The following ACTR3C variants were observed in gnomAD, a reference collection of about 807,000 sequenced individuals.
The protein encoded by ACTR3C is actin-related protein 3C.
Under a neutral mutation model 26.3 loss-of-function variants are expected in ACTR3C, and 18 were observed. That is an observed-to-expected ratio of 0.68 (90% CI 0.47 to 1.01). The LOEUF (loss-of-function observed/expected upper bound fraction) is 1.01. Among genes scored for constraint, ACTR3C ranks in the 50% least tolerant of loss-of-function variants. The probability of loss-of-function intolerance (pLI) is 0.00; values close to 1 mark genes in which losing one functional copy is unlikely to be tolerated. For missense variants in ACTR3C, 184 were observed against 250.7 expected (o/e 0.73, Z 1.80); for synonymous variants, 55 against 94.5 (o/e 0.58, Z 2.42).
At chr7:150,089,884 A>T in the ACTR3C span, among the ~76,000 whole-genome samples, 1 of 152,374 alleles carries the variant, frequency 6.6e-6, no homozygotes, top group South Asian at 2.1e-4. Flanking sequence ...CCACTTGCAC[A>T]GTTGGGTTTT....
At chr7:149,980,948 G>T in the ACTR3C span, among the ~76,000 whole-genome samples, 1 of 151,424 alleles carries the variant, frequency 6.6e-6, no homozygotes, top group Non-Finnish European at 1.5e-5. Flanking sequence ...GTTACCTTAT[G>T]CATTGATCGT....
the ACTR3C span, among the ~76,000 whole-genome samples, chr7:149,908,624 G>A: frequency 7.9e-5 from 12 of 152,112 alleles, no homozygotes; most frequent in African/African-American, 1.4e-4. Flanking sequence ...TTACAACATC[G>A]TGGCCCCCTA....
At chr7:149,927,770 A>G in the ACTR3C span, among the ~76,000 whole-genome samples, 34 of 152,130 alleles carry the variant, frequency 2.2e-4, no homozygotes, top group African/African-American at 7.5e-4. Flanking sequence ...CCCAGTCTCA[A>G]AACAAAAATA....
chr7:150,019,590 C>CAAAAATAAAAAT, the ACTR3C span, among the ~76,000 whole-genome samples: 2 of 103,536 alleles, frequency 1.9e-5, no homozygotes, highest in African/African-American at 7.6e-5. Context: ...GACTCTGTCT[C>CAAAAATAAAAAT]AAAAATAAAA....
intron 1 of ACTR3C, among the ~76,000 whole-genome samples, chr7:150,316,278 G>T (rs2129616825): frequency 6.6e-6 from 1 of 152,204 alleles, no homozygotes; most frequent in Non-Finnish European, 1.5e-5. Flanking sequence ...CAATACATTG[G>T]GCCTGTTTAA....
At chr7:150,065,481 G>A in the ACTR3C span, among the ~76,000 whole-genome samples, 2 of 152,242 alleles carry the variant, frequency 1.3e-5, no homozygotes, top group African/African-American at 2.4e-5. Context: ...GAGATGGCAT[G>A]TAAGGATACC....
chr7:150,167,054 CATTT>C, the ACTR3C span, among the ~76,000 whole-genome samples: 1 of 148,192 alleles, frequency 6.7e-6, no homozygotes, highest in Non-Finnish European at 1.5e-5. Flanking sequence ...TCTATCCATT[CATTT>C]GTTAATGGAC....
the ACTR3C span, among the ~76,000 whole-genome samples, chr7:149,915,072 G>T: frequency 6.6e-6 from 1 of 152,038 alleles, no homozygotes; most frequent in Admixed American, 6.6e-5. Flanking sequence ...TAAAAACGGG[G>T]TTTCACCATG....
chr7:149,913,955 G>A, the ACTR3C span, among the ~76,000 whole-genome samples: 43 of 148,052 alleles, frequency 2.9e-4, no homozygotes, highest in African/African-American at 9.0e-4. Flanking sequence ...GTGTGATCAC[G>A]GCTCACTGCA....
the ACTR3C span, among the ~76,000 whole-genome samples, chr7:149,987,960 A>C: frequency 6.6e-6 from 1 of 152,222 alleles, no homozygotes; most frequent in African/African-American, 2.4e-5. Context: ...AACTGAATAC[A>C]ATTTTCTAAT....
At chr7:150,310,005 G>A (rs1050742096) in intron 1 of ACTR3C, among the ~76,000 whole-genome samples, 5 of 152,040 alleles carry the variant, frequency 3.3e-5, no homozygotes, top group South Asian at 2.1e-4. Context: ...GGGTATTGAC[G>A]GCCAAGCTTC....
the ACTR3C span, among the ~76,000 whole-genome samples, chr7:150,013,827 C>T: frequency 2.0e-5 from 3 of 152,162 alleles, no homozygotes; most frequent in Non-Finnish European, 4.4e-5. Flanking sequence ...ATGATGGAGG[C>T]TTGGGTGACC....
chr7:149,927,823 C>G, the ACTR3C span, among the ~76,000 whole-genome samples: 1 of 152,172 alleles, frequency 6.6e-6, no homozygotes, highest in Admixed American at 6.5e-5. Context: ...AATCAAGGTC[C>G]TCGGCCACAC....
At chr7:150,035,835 GT>G in the ACTR3C span, among the ~76,000 whole-genome samples, 9 of 128,538 alleles carry the variant, frequency 7.0e-5, no homozygotes, top group Non-Finnish European at 1.4e-4. Flanking sequence ...CCTTGCGGGG[GT>G]TGCCTCTCCC....
chr7:150,141,526 C>T, the ACTR3C span, among the ~76,000 whole-genome samples: 7 of 146,562 alleles, frequency 4.8e-5, no homozygotes, highest in Non-Finnish European at 9.0e-5. Flanking sequence ...ATTTATACAA[C>T]AGAAAAAAAA....
the ACTR3C span, among the ~76,000 whole-genome samples, chr7:149,995,947 G>A: frequency 3.3e-5 from 5 of 152,322 alleles, no homozygotes; most frequent in East Asian, 1.9e-4. Flanking sequence ...ATCAGCAAGT[G>A]CAGACAGAAG....
the ACTR3C span, among the ~76,000 whole-genome samples, chr7:150,034,714 T>G: frequency 6.8e-6 from 1 of 147,768 alleles, no homozygotes; most frequent in East Asian, 2.1e-4. Flanking sequence ...GGACACCTAA[T>G]ACCCACAGTC....
the ACTR3C span, among the ~76,000 whole-genome samples, chr7:149,924,002 A>C: frequency 6.8e-6 from 1 of 146,792 alleles, no homozygotes; most frequent in Non-Finnish European, 1.5e-5. Context: ...GTCTCAATTA[A>C]AAAAAAAAAA....
At chr7:150,009,119 C>T in the ACTR3C span, among the ~76,000 whole-genome samples, 2 of 152,240 alleles carry the variant, frequency 1.3e-5, no homozygotes, top group African/African-American at 4.8e-5. Flanking sequence ...CAGCCCCTCC[C>T]AGAGCAAAGC....
Sources: allele counts gnomAD v4.1 joint callset (sites outside exome capture counted in the v4.1 genomes callset), GRCh38; gene constraint gnomAD v4.1.1; transcripts MANE v1.5; gene names NCBI Gene and HGNC (gene_info 2026-07-23, HGNC 2026-07-21).